The following MED23 variants were observed in gnomAD, a reference collection of about 807,000 sequenced individuals.
MED23 encodes the protein mediator of RNA polymerase II transcription subunit 23.
In MED23, 105 loss-of-function variants were observed where a neutral mutation model predicts 163.9. That is an observed-to-expected ratio of 0.64 (90% CI 0.55 to 0.75). The LOEUF (loss-of-function observed/expected upper bound fraction) is 0.75, where lower values mean the gene tolerates loss of function less well. Ranked by LOEUF, MED23 falls within the 30% of genes least tolerant of loss-of-function variation. MED23 has a pLI of 0.00. For synonymous variants in MED23, 561 were observed against 565.6 expected (o/e 0.99, Z 0.12); for missense variants, 1,054 against 1,649.0 (o/e 0.64, Z 6.25).
downstream of MED23, among the ~76,000 whole-genome samples, chr6:131,586,117 C>T (rs1361598088): frequency 5.3e-5 from 8 of 152,154 alleles, no homozygotes; most frequent in South Asian, 1.2e-3. Context: ...CTGCAGGGGC[C>T]GGGCACAGTG....
chr6:131,599,906 G>T, intron 18 of MED23, 132 bp downstream of exon 18: 2 of 1,112,468 alleles, frequency 1.8e-6, no homozygotes, highest in Non-Finnish European at 1.3e-6. Context: ...ACCATGCCCA[G>T]CCCCTAAATA....
intron 6 of MED23, 32 bp from the exon 7 acceptor site, chr6:131,620,761 G>C: frequency 7.6e-7 from 1 of 1,313,638 alleles, no homozygotes; most frequent in Non-Finnish European, 1.1e-6. Flanking sequence ...CATCATTCTT[G>C]ACTAGTCCCA....
At chr6:131,579,794 T>TC (rs1450491842) in intron 30 of MED23, 1 of 160,710 alleles carries the variant, frequency 6.2e-6, no homozygotes, top group Non-Finnish European at 1.4e-5. Flanking sequence ...TTTCATGGCA[T>TC]CTTTTTTTTC....
In MED23 at chr6:131,574,064, CT is replaced by C. The variant is rs374040136; in HGVS notation, c.*228del. The C allele has an allele frequency of 3.3e-3, 1,942 of 593,712 alleles. 24 individuals carry two copies. Among genetic ancestry groups the C allele is most frequent in the South Asian group, 0.016 (775 of 47,376 alleles). The allele number at this position is 593,712 out of a possible 1,614,324, so 36.8% of individuals were successfully genotyped here. A position where few individuals can be genotyped will look rare whatever the true frequency, so the allele number is the denominator to read the frequency against. On this transcript the variant is annotated 3_prime_UTR_variant, in exon 31 of 31. Transcript: ENST00000354577. ...ACACATGCCAGCAACATTGAATACA[CT>C]TTTTTTTCTGCCTGGGCACACTTAT...
chr6:131,615,330 A>G, intron 10 of MED23: 1 of 1,612,080 alleles, frequency 6.2e-7, no homozygotes, highest in Non-Finnish European at 8.5e-7. Context: ...ATACCTGAGC[A>G]ATGTTCAAGG....
intron 6 of MED23, 96 bp from the exon 7 acceptor site, chr6:131,620,825 A>C: frequency 1.5e-6 from 1 of 680,456 alleles, no homozygotes; most frequent in Non-Finnish European, 2.4e-6. Flanking sequence ...TTTTTGAGAC[A>C]GGGTCTTGCT....
downstream of MED23, among the ~76,000 whole-genome samples, chr6:131,584,685 G>A (rs1215434660): frequency 5.3e-5 from 8 of 151,906 alleles, no homozygotes; most frequent in Non-Finnish European, 1.2e-4. Flanking sequence ...GCTTTTGGGA[G>A]GTGGAAGATA....
intron 28 of MED23, 94 bp downstream of exon 28, chr6:131,589,365 CAAAATA>C: frequency 8.3e-7 from 1 of 1,204,030 alleles, no homozygotes; most frequent in Non-Finnish European, 1.2e-6. Flanking sequence ...AAAAATTAGA[CAAAATA>C]AAAATAATCA....
At chr6:131,583,369 T>A, downstream of MED23, 1 of 1,614,142 alleles carries the variant, frequency 6.2e-7, no homozygotes, top group Non-Finnish European at 8.5e-7. Context: ...AAAAGGCCAA[T>A]TCATCTAAGT....
chr6:131,583,714 A>G, downstream of MED23: 2 of 1,606,550 alleles, frequency 1.2e-6, no homozygotes, highest in Non-Finnish European at 1.7e-6. Flanking sequence ...TATTTTATAA[A>G]TTACATTATT....
downstream of MED23, among the ~76,000 whole-genome samples, chr6:131,582,066 TATG>T (rs1203682571): frequency 6.6e-6 from 1 of 152,248 alleles, no homozygotes. Flanking sequence ...ATTTGGTCCT[TATG>T]ATGATACAAG....
At chr6:131,627,329 G>GAAAAAAAAAA in intron 3 of MED23, 67 bp downstream of exon 3, 6 of 871,700 alleles carry the variant, frequency 6.9e-6, no homozygotes, top group East Asian at 5.3e-5. Context: ...AATGTTAAAA[G>GAAAAAAAAAA]AAAAAAAAAA....
intron 21 of MED23, 176 bp downstream of exon 21, chr6:131,596,342 T>C: frequency 1.1e-6 from 1 of 889,274 alleles, no homozygotes; most frequent in Non-Finnish European, 1.8e-6. Context: ...GCAGTTTCAA[T>C]TTATTCTCAA....
rs2114519480 is a variant in MED23 at position 131,576,746 on chromosome 6, A to G, written c.4096-2451T>C. On this transcript the variant is annotated intron_variant, in intron 30 of 30. Transcript: ENST00000354577. ...AACTTAAAGAACAAGGTAATTTTTA[A>G]GTTGAAAAATGATCAGCCTGATTTC... The G allele has an allele frequency of 6.2e-7, 1 of 1,610,590 alleles. No homozygotes were observed. The highest frequency in any genetic ancestry group is 8.5e-7 in the Non-Finnish European group (1 of 1,176,886).
chr6:131,593,406 C>T lies in MED23; in HGVS notation c.3233-235G>A, dbSNP rs144778012. Among the ~76,000 whole-genome samples the T allele has an allele frequency of 5.2e-3, 784 of 152,208 alleles. 4 individuals are homozygous for T. The highest frequency in any genetic ancestry group is 8.4e-3 in the Admixed American group (128 of 15,284). On this transcript the variant is annotated intron_variant, in intron 23 of 28. Coordinates refer to ENST00000368068, the MANE Select transcript of MED23 (RefSeq NM_004830.4). ...TCTTATAAATATGACATATAATAGC[C>T]ACAGATGCAACCAAGGTTTACCTAG...
intron 10 of MED23, among the ~76,000 whole-genome samples, chr6:131,611,208 T>G: frequency 6.6e-6 from 1 of 152,074 alleles, no homozygotes; most frequent in East Asian, 1.9e-4. Context: ...AAAAGGGATA[T>G]GATTTTTTCA....
At chr6:131,611,818 C>T (rs1776296833) in intron 10 of MED23, among the ~76,000 whole-genome samples, 1 of 152,130 alleles carries the variant, frequency 6.6e-6, no homozygotes, top group South Asian at 2.1e-4. Context: ...CCATAATGGT[C>T]TTCCATCAAT....
In MED23 at chr6:131,617,647, T is replaced by C. The variant is rs143379130; in HGVS notation, c.780+760A>G. Among the ~76,000 whole-genome samples the C allele has an allele frequency of 5.7e-4, 87 of 152,216 alleles. No individual in the cohort carries two copies. The East Asian group carries it at 6.2e-3, about 11-fold the overall frequency. On this transcript the variant is annotated intron_variant, in intron 9 of 28. Coordinates refer to ENST00000368068, the MANE Select transcript of MED23 (RefSeq NM_004830.4). ...CTAATTTTAAAGAATTCCTGAGGCA[T>C]TTAAAAACAGAATAACCAAAGTGAC...
intron 22 of MED23, among the ~76,000 whole-genome samples, chr6:131,595,246 A>G (rs1774962084): frequency 6.6e-6 from 1 of 152,194 alleles, no homozygotes; most frequent in Admixed American, 6.5e-5. Flanking sequence ...CAGCCAATCA[A>G]GTCCTGTTCC....
Sources: gnomAD v4.1 joint callset for allele counts (sites outside exome capture counted in the v4.1 genomes callset) on GRCh38, gnomAD v4.1.1 for gene constraint, MANE v1.5 for transcripts, NCBI Gene and HGNC (gene_info 2026-07-23, HGNC 2026-07-21) for gene names.